RELL1: variants seen among roughly 807,000 people sequenced by gnomAD.
RELL1 encodes RELT-like protein 1.
RELL1 carries 10 observed loss-of-function variants against 23.0 expected under a neutral mutation model. The ratio of observed to expected loss-of-function variants is 0.43; its 90% CI spans 0.27 to 0.74. RELL1 has a LOEUF of 0.74. Among genes scored for constraint, RELL1 ranks in the 30% least tolerant of loss-of-function variants. The pLI is 0.19. For missense variants in RELL1, 315 were observed against 364.4 expected, an observed-to-expected ratio of 0.86 and a Z score of 1.10; for synonymous variants, 146 against 146.8, an observed-to-expected ratio of 0.99 and a Z score of 0.04.
intron 5 of RELL1, among the ~76,000 whole-genome samples, chr4:37,631,892 T>A (rs1720149096): frequency 6.6e-6 from 1 of 151,560 alleles, no homozygotes; most frequent in Non-Finnish European, 1.5e-5. Context: ...CCAGACTGGG[T>A]GTATGGCAAA....
Position 37,638,471 on chromosome 4 carries a change from T to C in RELL1, c.419A>G (p.Asp140Gly), listed in dbSNP as rs1206596715. ...NADVLKAMVA[D>G]NSLYDPESPV... is the part of the protein sequence containing the mutation. ...CCTTTCAGGATCATACAGGCTGTTA[T>C]CTGCTACCATCGCCTTTAAGACATC... The change falls in exon 4 of 7, where the codon GAT (aspartate) becomes GGT (glycine). Residue 140 changes from aspartate to glycine, a missense_variant. Transcript: ENST00000454158. 2 of 1,613,248 alleles carry C rather than the reference T, an allele frequency of 1.2e-6. No individual in the cohort carries two copies. The highest frequency in any genetic ancestry group is 8.5e-7 in the Non-Finnish European group (1 of 1,179,474).
At chr4:37,609,241 T>C (rs1170596674), downstream of RELL1, among the ~76,000 whole-genome samples, 1 of 152,204 alleles carries the variant, frequency 6.6e-6, no homozygotes, top group Non-Finnish European at 1.5e-5. Context: ...TTAAGAATTA[T>C]GCTAAATCGA....
chr4:37,590,282 C>A, downstream of RELL1: 1 of 1,614,076 alleles, frequency 6.2e-7, no homozygotes, highest in South Asian at 1.1e-5. Context: ...CCATGGGAGC[C>A]CTGCTGGCCT....
At chr4:37,634,829 T>C (rs1720262310) in intron 5 of RELL1, 58 bp downstream of exon 5, 1 of 1,387,306 alleles carries the variant, frequency 7.2e-7, no homozygotes. Flanking sequence ...TAAGCAGAAG[T>C]CCACACACCA....
rs773817855 is a variant in RELL1, at chr4:37,647,351, C to A, written c.385+17G>T. ...ATAGGAATACTGAATTGTTTTGGAA[C>A]ACTAAAATGTTCACACCTTCATTTT... On this transcript the variant is annotated intron_variant, in intron 3 of 6. Transcript: ENST00000454158. The A allele has an allele frequency of 6.3e-7, 1 of 1,588,452 alleles. No homozygotes were observed. Among genetic ancestry groups the A allele is most frequent in the South Asian group, 1.1e-5 (1 of 90,414 alleles).
In RELL1 at chr4:37,649,514, C is replaced by T; in HGVS notation, c.89-14G>A. 2.5e-6 allele frequency: 4 copies of T among 1,605,208 alleles called. No individual in the cohort carries two copies. Among genetic ancestry groups the T allele is most frequent in the Non-Finnish European group, 3.4e-6 (4 of 1,172,982 alleles). ...TGCTCCCATTGTCTACAGAAAGAAA[C>T]ATGCATGCTGCATTAGATATCTGTC... On this transcript the variant is annotated splice_polypyrimidine_tract_variant and intron_variant, in intron 1 of 6. Coordinates refer to ENST00000454158, the MANE Select transcript of RELL1 (RefSeq NM_001085400.2).
chr4:37,614,712 G>A (rs553499155), intron 6 of RELL1, among the ~76,000 whole-genome samples: 2 of 151,386 alleles, frequency 1.3e-5, no homozygotes, highest in Admixed American at 6.6e-5. Context: ...GAATTTTCCA[G>A]GCAAAACCTT....
At position 37,611,941 on chromosome 4, in the gene RELL1, C is replaced by T. The variant is rs1490387931; in HGVS notation, c.*1405G>A. Among the ~76,000 whole-genome samples, 1 of 151,228 alleles carries T rather than the reference C, an allele frequency of 6.6e-6. No individual in the cohort carries two copies. The highest frequency in any genetic ancestry group is 1.5e-5 in the Non-Finnish European group (1 of 67,812). ...CTGTAATCCCAGAACTTTGGGAGGC[C>T]GAGGCGGGTGGATCACGAGGTCAGG... On this transcript the variant is annotated 3_prime_UTR_variant, in exon 7 of 7. Transcript: ENST00000454158.
At chr4:37,672,773 G>A (rs796319844) in intron 1 of RELL1, among the ~76,000 whole-genome samples, 41 of 152,272 alleles carry the variant, frequency 2.7e-4, no homozygotes, top group African/African-American at 9.1e-4. Context: ...AAGAAATTAA[G>A]GGACTGAGAA....
chr4:37,619,886 G>A (rs1254162067), intron 6 of RELL1, among the ~76,000 whole-genome samples: 2 of 152,128 alleles, frequency 1.3e-5, no homozygotes, highest in Non-Finnish European at 2.9e-5. Context: ...TGAGTTATAT[G>A]GTCATGCTAG....
downstream of RELL1, among the ~76,000 whole-genome samples, chr4:37,589,756 C>T (rs1718502235): frequency 1.3e-5 from 2 of 152,098 alleles, no homozygotes; most frequent in East Asian, 1.9e-4. Context: ...CTCAGCCTCC[C>T]GAGTAGCTGG....
chr4:37,590,597 T>C, downstream of RELL1: 1 of 1,614,080 alleles, frequency 6.2e-7, no homozygotes, highest in Non-Finnish European at 8.5e-7. Context: ...GACCATGTCT[T>C]CCAGATACCA....
At chr4:37,669,692 A>G (rs1295346674) in intron 1 of RELL1, among the ~76,000 whole-genome samples, 1 of 152,256 alleles carries the variant, frequency 6.6e-6, no homozygotes, top group Non-Finnish European at 1.5e-5. Flanking sequence ...GTACGAAGAA[A>G]AATTCTTCTA....
At chr4:37,669,409 G>T (rs576914961) in intron 1 of RELL1, among the ~76,000 whole-genome samples, 2 of 144,422 alleles carry the variant, frequency 1.4e-5, no homozygotes, top group African/African-American at 2.6e-5. Flanking sequence ...GGAGGGAGGT[G>T]GGGGGGTCAG....
chr4:37,679,239 C>T (rs975059868), intron 1 of RELL1, among the ~76,000 whole-genome samples: 16 of 152,126 alleles, frequency 1.1e-4, no homozygotes, highest in East Asian at 1.9e-4. Context: ...TCCATCTAGC[C>T]GACAAGTTTC....
intron 1 of RELL1, among the ~76,000 whole-genome samples, chr4:37,651,392 C>T (rs1196542170): frequency 6.6e-6 from 1 of 152,144 alleles, no homozygotes; most frequent in Non-Finnish European, 1.5e-5. Flanking sequence ...AACAAAGCTT[C>T]AGTATTTGGA....
intron 6 of RELL1, among the ~76,000 whole-genome samples, chr4:37,614,891 T>TGTTACTGA (rs1449015537): frequency 2.6e-5 from 4 of 152,208 alleles, no homozygotes; most frequent in Non-Finnish European, 5.9e-5. Flanking sequence ...CAGTTTTCAC[T>TGTTACTGA]GCAACCTAGA....
chr4:37,681,477 G>A (rs534813305), intron 1 of RELL1, among the ~76,000 whole-genome samples: 51 of 151,258 alleles, frequency 3.4e-4, no homozygotes, highest in Admixed American at 1.3e-3. Context: ...GGAAATGGAG[G>A]TGGACAGAAC....
chr4:37,634,650 A>G (rs1192813760), intron 5 of RELL1, among the ~76,000 whole-genome samples: 2 of 152,266 alleles, frequency 1.3e-5, no homozygotes, highest in Non-Finnish European at 2.9e-5. Flanking sequence ...TTTATCTGTT[A>G]GAGCAGGTAG....
Sources: allele counts gnomAD v4.1 joint callset (sites outside exome capture counted in the v4.1 genomes callset), GRCh38; gene constraint gnomAD v4.1.1; transcripts MANE v1.5; gene names NCBI Gene and HGNC (gene_info 2026-07-23, HGNC 2026-07-21).